The following PRORP variants were observed in gnomAD, a reference collection of about 807,000 sequenced individuals.
PRORP encodes protein only RNase P catalytic subunit.
In PRORP, 51 loss-of-function variants were observed where a neutral mutation model predicts 59.4. The ratio of observed to expected loss-of-function variants is 0.86; its 90% CI spans 0.69 to 1.08. The LOEUF (loss-of-function observed/expected upper bound fraction) is 1.08, where lower values mean the gene tolerates loss of function less well. PRORP is among the 50% of genes least tolerant of loss of function. The probability of loss-of-function intolerance (pLI) is 0.00; values close to 1 mark genes in which losing one functional copy is unlikely to be tolerated. For synonymous variants in PRORP, 231 were observed against 245.6 expected (o/e 0.94, Z 0.55); for missense variants, 646 against 690.3 (o/e 0.94, Z 0.72).
chr14:35,273,241 C>A (rs1334522126), intron 7 of PRORP, among the ~76,000 whole-genome samples, 194 bp from the exon 8 acceptor site: 1 of 151,846 alleles, frequency 6.6e-6, no homozygotes, highest in East Asian at 1.9e-4. Context: ...AAAATGAGAC[C>A]CCTCAAAAAA....
intron 2 of PRORP, 85 bp downstream of exon 2, chr14:35,124,316 G>A (rs2047035999): frequency 5.8e-6 from 5 of 858,906 alleles, no homozygotes; most frequent in Non-Finnish European, 8.6e-6. Context: ...TGCCCAGACT[G>A]GAGTGCAGTG....
At chr14:35,159,630 T>C (rs1211446829) in intron 4 of PRORP, among the ~76,000 whole-genome samples, 2 of 152,212 alleles carry the variant, frequency 1.3e-5, no homozygotes, top group Non-Finnish European at 2.9e-5. Context: ...AGGTGTGTAA[T>C]AAATACAGTT....
chr14:35,132,784 C>CAAA (rs142694889), intron 4 of PRORP, among the ~76,000 whole-genome samples: 2 of 72,614 alleles, frequency 2.8e-5, no homozygotes, highest in African/African-American at 9.1e-5. Flanking sequence ...GAGACTCCAT[C>CAAA]AAAAAAAAAA....
intron 4 of PRORP, among the ~76,000 whole-genome samples, chr14:35,165,055 C>T (rs1320019940): frequency 2.0e-5 from 3 of 152,280 alleles, no homozygotes; most frequent in South Asian, 2.1e-4. Context: ...TAAAATGTAC[C>T]GTATAGGAAG....
rs1016208456 is a variant in PRORP, at chr14:35,276,530, A to G, written c.*2964A>G. 1 of 151,968 alleles carries G rather than the reference A, an allele frequency of 6.6e-6. No homozygotes were observed. Among genetic ancestry groups the G allele is most frequent in the African/African-American group, 2.4e-5 (1 of 41,372 alleles). The allele number at this position is 151,968 out of a possible 1,614,324, so 9.4% of individuals were successfully genotyped here. A position where few individuals can be genotyped will look rare whatever the true frequency, so the allele number is the denominator to read the frequency against. On this transcript the variant is annotated 3_prime_UTR_variant, in exon 8 of 8. Coordinates refer to ENST00000534898, the MANE Select transcript of PRORP (RefSeq NM_014672.4). Reference sequence around the variant, plus strand: ...GGGAACCATTGTAGGGTTGCTCAGCATAAGTCATACTGCCACGGTGACCTT... The same window carrying G: ...GGGAACCATTGTAGGGTTGCTCAGCGTAAGTCATACTGCCACGGTGACCTT...
At chr14:35,202,228 T>TTACAG (rs2049174384) in intron 5 of PRORP, among the ~76,000 whole-genome samples, 1 of 152,066 alleles carries the variant, frequency 6.6e-6, no homozygotes, top group Admixed American at 6.6e-5. Flanking sequence ...AGTGCTGAGA[T>TTACAG]TACAGGCATG....
In PRORP at chr14:35,211,118, C is replaced by T. The variant is rs1009493229; in HGVS notation, c.1275+30341C>T. ...AGCAAATTACTACAGGCCTCATGCT[C>T]CTATCCTATTACATCATAATGAACA... On this transcript the variant is annotated intron_variant, in intron 5 of 7. Transcript: ENST00000534898. Among the ~76,000 whole-genome samples, 14 of 152,076 alleles carry T rather than the reference C, an allele frequency of 9.2e-5. No individual in the cohort carries two copies. The East Asian group carries it at 2.5e-3, about 27-fold the overall frequency.
chr14:35,253,427 A>G (rs1487373866), intron 5 of PRORP, among the ~76,000 whole-genome samples: 1 of 151,978 alleles, frequency 6.6e-6, no homozygotes, highest in African/African-American at 2.4e-5. Context: ...AAAGAAAAGA[A>G]AAAAGAAACA....
At chr14:35,163,286 C>T (rs141541946) in intron 4 of PRORP, among the ~76,000 whole-genome samples, 6 of 152,104 alleles carry the variant, frequency 3.9e-5, no homozygotes, top group African/African-American at 9.6e-5. Flanking sequence ...AAAATGTATA[C>T]ATAAAAAAAT....
intron 5 of PRORP, among the ~76,000 whole-genome samples, chr14:35,203,639 C>T (rs1207386531): frequency 2.0e-5 from 3 of 152,076 alleles, no homozygotes; most frequent in South Asian, 2.1e-4. Flanking sequence ...CCGAGGCGGG[C>T]GGATCACAAG....
At chr14:35,133,872 C>T (rs978522705) in intron 4 of PRORP, among the ~76,000 whole-genome samples, 2 of 152,202 alleles carry the variant, frequency 1.3e-5, no homozygotes, top group Non-Finnish European at 2.9e-5. Context: ...GAGCTGAGGA[C>T]GTAGTCACAC....
chr14:35,233,031 C>T (rs2050121370), intron 5 of PRORP, among the ~76,000 whole-genome samples: 1 of 152,170 alleles, frequency 6.6e-6, no homozygotes, highest in Admixed American at 6.5e-5. Flanking sequence ...TTTTTGGACT[C>T]ATTCTCTTAA....
intron 5 of PRORP, among the ~76,000 whole-genome samples, chr14:35,258,687 GTTAAGCCTGAGGTA>G (rs1464821341): frequency 1.3e-5 from 2 of 152,082 alleles, no homozygotes; most frequent in Non-Finnish European, 2.9e-5. Context: ...CGTATTTTAG[GTTAAGCCTGAGGTA>G]TTGGGTACTC....
intron 5 of PRORP, among the ~76,000 whole-genome samples, chr14:35,252,352 C>T (rs1037391874): frequency 6.6e-6 from 1 of 152,106 alleles, no homozygotes; most frequent in Non-Finnish European, 1.5e-5. Flanking sequence ...GAGCCCAGGA[C>T]GTCAAGGCTG....
intron 5 of PRORP, among the ~76,000 whole-genome samples, chr14:35,220,029 C>G (rs1228449647): frequency 6.6e-6 from 1 of 152,178 alleles, no homozygotes; most frequent in African/African-American, 2.4e-5. Flanking sequence ...GGATTTAATA[C>G]CCACATGGGT....
chr14:35,243,083 T>C (rs905657132), intron 5 of PRORP, among the ~76,000 whole-genome samples: 32 of 152,318 alleles, frequency 2.1e-4, no homozygotes, highest in African/African-American at 7.5e-4. Context: ...TGGCTTCAAG[T>C]ACCTTCAGTG....
At chr14:35,257,653 A>G (rs1370393659) in intron 5 of PRORP, among the ~76,000 whole-genome samples, 4 of 152,210 alleles carry the variant, frequency 2.6e-5, no homozygotes, top group Non-Finnish European at 2.9e-5. Context: ...TCCTGGAGGT[A>G]TCCCATAATG....
chr14:35,122,999 C>A lies in PRORP; in HGVS notation c.-247C>A. The A allele has an allele frequency of 2.0e-6, 1 of 498,602 alleles. No homozygotes were observed. Among genetic ancestry groups the A allele is most frequent in the Non-Finnish European group, 3.6e-6 (1 of 276,534 alleles). 30.9% of individuals were successfully genotyped at this position (498,602 alleles called of 1,614,324 possible). ...GGCACCAGAGGATTCCTGCTCTGTC[C>A]CCTGGTTTGCGGCTTGCGACGTTGG... On this transcript the variant is annotated 5_prime_UTR_variant, in exon 2 of 8. Coordinates refer to ENST00000534898, the MANE Select transcript of PRORP (RefSeq NM_014672.4).
At chr14:35,272,933 C>A (rs1019646015) in intron 7 of PRORP, among the ~76,000 whole-genome samples, 3 of 152,118 alleles carry the variant, frequency 2.0e-5, no homozygotes, top group Non-Finnish European at 4.4e-5. Context: ...ATACCTAATA[C>A]AATGTAAATG....
Sources: gnomAD v4.1 joint callset for allele counts (sites outside exome capture counted in the v4.1 genomes callset) on GRCh38, gnomAD v4.1.1 for gene constraint, MANE v1.5 for transcripts, NCBI Gene and HGNC (gene_info 2026-07-23, HGNC 2026-07-21) for gene names.